The following RANBP2 variants were observed in gnomAD, a reference collection of about 807,000 sequenced individuals.
The protein encoded by RANBP2 is E3 SUMO-protein ligase RanBP2.
In RANBP2, 57 loss-of-function variants were observed where a neutral mutation model predicts 303.6. The ratio of observed to expected loss-of-function variants is 0.19; its 90% CI spans 0.15 to 0.23. The LOEUF (loss-of-function observed/expected upper bound fraction) is 0.23, where lower values mean the gene tolerates loss of function less well. Among genes scored for constraint, RANBP2 ranks in the 10% least tolerant of loss-of-function variants. The pLI, the probability that RANBP2 is intolerant of heterozygous loss-of-function variation, is 1.00. For missense variants in RANBP2, 3,138 were observed against 3,780.8 expected, an observed-to-expected ratio of 0.83 and a Z score of 4.46; for synonymous variants, 1,167 against 1,301.5, an observed-to-expected ratio of 0.90 and a Z score of 2.23.
At chr2:109,528,258 T>G in the RANBP2 span, among the ~76,000 whole-genome samples, 1 of 152,152 alleles carries the variant, frequency 6.6e-6, no homozygotes, top group Non-Finnish European at 1.5e-5. Context: ...TGCCCTGCCC[T>G]GAGTACACGC....
the RANBP2 span, among the ~76,000 whole-genome samples, chr2:108,834,628 C>G: frequency 6.6e-6 from 1 of 152,118 alleles, no homozygotes; most frequent in Admixed American, 6.6e-5. Context: ...ATCATTTTAG[C>G]CATTTATAAA....
the RANBP2 span, among the ~76,000 whole-genome samples, chr2:109,032,486 G>A: frequency 6.6e-6 from 1 of 152,168 alleles, no homozygotes; most frequent in Non-Finnish European, 1.5e-5. Context: ...GAATGTGTGA[G>A]AGGCTTCAGC....
Position 108,753,921 on chromosome 2 carries a change from C to G in RANBP2, c.2152C>G (p.Leu718Val). ...KNYLRKTRDY[L>V]IKIIDDSDSN... ...TTATCTGAGAAAGACCAGGGACTACCTAATAAAGATTATAGATGACAGTGA... is the reference window on the plus strand; with the variant it reads ...TTATCTGAGAAAGACCAGGGACTACGTAATAAAGATTATAGATGACAGTGA... The change falls in exon 15 of 29, where the codon CTA becomes GTA. Residue 718 changes from leucine (L) to valine (V), a missense_variant. Physicochemically the swap from Leu to Val is conservative, Grantham distance 32. Transcript: ENST00000283195. 1.2e-6 allele frequency: 2 copies of G among 1,611,924 alleles called. No individual in the cohort carries two copies. The highest frequency in any genetic ancestry group is 1.7e-6 in the Non-Finnish European group (2 of 1,179,856).
the RANBP2 span, among the ~76,000 whole-genome samples, chr2:108,830,829 A>C: frequency 8.6e-5 from 13 of 151,592 alleles, no homozygotes; most frequent in Admixed American, 6.6e-4. Flanking sequence ...CAAAAAAAAA[A>C]ACCAAAGCTT....
chr2:109,504,908 G>A, the RANBP2 span, among the ~76,000 whole-genome samples: 15 of 152,214 alleles, frequency 9.9e-5, no homozygotes, highest in African/African-American at 2.7e-4. Flanking sequence ...AGAAGCCAGC[G>A]GTGGGCTGGG....
the RANBP2 span, among the ~76,000 whole-genome samples, chr2:109,237,340 C>G: frequency 6.6e-6 from 1 of 151,742 alleles, no homozygotes; most frequent in African/African-American, 2.4e-5. Context: ...CAAAGAGGTA[C>G]ACATTGAAAA....
the RANBP2 span, among the ~76,000 whole-genome samples, chr2:109,602,749 G>A: frequency 1.3e-5 from 2 of 151,726 alleles, no homozygotes; most frequent in Non-Finnish European, 2.9e-5. Context: ...TTCCATGCAG[G>A]CTAGGTGACA....
chr2:109,634,873 C>A, the RANBP2 span, among the ~76,000 whole-genome samples: 2 of 152,060 alleles, frequency 1.3e-5, no homozygotes, highest in Non-Finnish European at 2.9e-5. Flanking sequence ...AATAAAAGGA[C>A]GAGTAAACAA....
At chr2:108,820,672 A>G in the RANBP2 span, among the ~76,000 whole-genome samples, 1 of 149,682 alleles carries the variant, frequency 6.7e-6, no homozygotes, top group Admixed American at 6.7e-5. Context: ...GCAGGCCAAC[A>G]GGCAGTGGGA....
At chr2:109,735,145 T>C in the RANBP2 span, among the ~76,000 whole-genome samples, 3 of 152,260 alleles carry the variant, frequency 2.0e-5, no homozygotes, top group African/African-American at 7.2e-5. Context: ...TTAACTAACC[T>C]CCCACTATTC....
the RANBP2 span, among the ~76,000 whole-genome samples, chr2:109,341,092 T>C: frequency 6.6e-6 from 1 of 152,210 alleles, no homozygotes; most frequent in Non-Finnish European, 1.5e-5. Flanking sequence ...TTTCATCAAT[T>C]CTTCATCAAT....
chr2:109,450,361 AAAAG>A, the RANBP2 span, among the ~76,000 whole-genome samples: 70,545 of 150,442 alleles, frequency 0.47, 18,047 homozygotes, highest in Non-Finnish European at 0.55. Flanking sequence ...AAAAAAAAGA[AAAAG>A]AAAGAAAATC....
chr2:108,740,832 A>C (rs1161381726), intron 7 of RANBP2, 151 bp downstream of exon 7: 1 of 1,357,212 alleles, frequency 7.4e-7, no homozygotes. Flanking sequence ...AAAATAACTA[A>C]GCATACACAA....
At chr2:108,870,702 A>G in the RANBP2 span, among the ~76,000 whole-genome samples, 1 of 152,256 alleles carries the variant, frequency 6.6e-6, no homozygotes, top group East Asian at 1.9e-4. Context: ...GGAAGACATT[A>G]TGCTAAATGA....
the RANBP2 span, among the ~76,000 whole-genome samples, chr2:108,949,604 G>T: frequency 2.0e-5 from 3 of 152,060 alleles, no homozygotes; most frequent in African/African-American, 7.2e-5. Flanking sequence ...TCCTAAAAAT[G>T]TGATGAGATT....
chr2:108,874,984 A>G, the RANBP2 span, among the ~76,000 whole-genome samples: 1 of 151,538 alleles, frequency 6.6e-6, no homozygotes, highest in Non-Finnish European at 1.5e-5. Flanking sequence ...ATGTTTTACT[A>G]TTCATGATGT....
chr2:109,380,296 T>C, the RANBP2 span, among the ~76,000 whole-genome samples: 1 of 151,792 alleles, frequency 6.6e-6, no homozygotes, highest in Non-Finnish European at 1.5e-5. Flanking sequence ...CTGCTGGGAG[T>C]CTTGTTGCTG....
chr2:109,128,871 TA>T, the RANBP2 span: 1 of 297,558 alleles, frequency 3.4e-6, no homozygotes, highest in African/African-American at 2.3e-5. Context: ...GGAGATGTCC[TA>T]GGGGACCAGG....
chr2:109,640,059 G>A, the RANBP2 span, among the ~76,000 whole-genome samples: 93 of 151,192 alleles, frequency 6.2e-4, no homozygotes, highest in Non-Finnish European at 1.1e-3. Context: ...TTCCTTCTCC[G>A]CAAAGCTGTG....
Sources: allele counts gnomAD v4.1 joint callset (sites outside exome capture counted in the v4.1 genomes callset), GRCh38; gene constraint gnomAD v4.1.1; transcripts MANE v1.5; gene names NCBI Gene and HGNC (gene_info 2026-07-23, HGNC 2026-07-21).